PRDM7: variants seen among roughly 807,000 people sequenced by gnomAD.
PRDM7 encodes histone-lysine N-methyltransferase PRDM7.
A neutral mutation model predicts 64.3 loss-of-function variants in PRDM7; 52 were observed. The observed-to-expected ratio is 0.81, with a 90% CI of 0.65 to 1.02. The LOEUF (loss-of-function observed/expected upper bound fraction) is 1.02. PRDM7 is among the 50% of genes least tolerant of loss of function. The probability of loss-of-function intolerance (pLI) is 0.00; values close to 1 mark genes in which losing one functional copy is unlikely to be tolerated. For synonymous variants in PRDM7, 192 were observed against 210.1 expected, an observed-to-expected ratio of 0.91 and a Z score of 0.74; for missense variants, 574 against 597.1, an observed-to-expected ratio of 0.96 and a Z score of 0.40.
In PRDM7 at chr16:90,074,908, C is replaced by T. The variant is rs754017293; in HGVS notation, c.301+8G>A. The T allele has an allele frequency of 6.7e-5, 108 of 1,613,446 alleles. No homozygotes were observed. Among genetic ancestry groups the T allele is most frequent in the Non-Finnish European group, 9.1e-5 (107 of 1,179,602 alleles). On this transcript the variant is annotated splice_region_variant and intron_variant, in intron 4 of 10. Transcript: ENST00000449207. ...AAAAAAAAAAATCCTCCTTCCCTTC[C>T]CTCTTACCTTGCTGCCTAGGTGTCC... is the stretch of plus-strand genomic sequence containing the variant.
Position 90,059,551 on chromosome 16 carries a change from G to A in PRDM7, c.1233+790C>T, listed in dbSNP as rs1370524198. On this transcript the variant is annotated intron_variant, in intron 10 of 10. Coordinates refer to ENST00000449207, the MANE Select transcript of PRDM7 (RefSeq NM_001098173.2). ...GCCTCAGGACCATTGCACTAGCTGC[G>A]CCCTGTGCCTGGAATCCTTGGCCCA... 2.0e-5 allele frequency among the ~76,000 whole-genome samples: 3 copies of A among 152,146 alleles called. No homozygotes were observed. The East Asian group carries it at 5.8e-4, about 29-fold the overall frequency.
chr16:90,057,266 G>A lies in PRDM7; in HGVS notation c.*1023C>T, dbSNP rs1226436211. 6.5e-6 allele frequency: 1 copy of A among 154,244 alleles called. No homozygotes were observed. Among genetic ancestry groups the A allele is most frequent in the Non-Finnish European group, 1.4e-5 (1 of 69,472 alleles). 9.6% of individuals were successfully genotyped at this position (154,244 alleles called of 1,614,324 possible). On this transcript the variant is annotated 3_prime_UTR_variant, in exon 11 of 11. Coordinates refer to ENST00000449207, the MANE Select transcript of PRDM7 (RefSeq NM_001098173.2). The stretch of plus-strand genomic sequence containing the variant: ...AGGGGGAGTATGGCAGCAGAGGAGA[G>A]GGGTCCATTAGAAGAGGTCACACTT...
intron 4 of PRDM7, among the ~76,000 whole-genome samples, chr16:90,072,223 T>G (rs996451786): frequency 1.4e-5 from 2 of 138,058 alleles, no homozygotes; most frequent in African/African-American, 5.3e-5. Flanking sequence ...AGAGCGAGAC[T>G]CCATCTCAAA....
chr16:90,064,028 C>G (rs1306286508), intron 5 of PRDM7, among the ~76,000 whole-genome samples: 5 of 152,156 alleles, frequency 3.3e-5, no homozygotes, highest in Non-Finnish European at 5.9e-5. Flanking sequence ...CTTGGGAAGA[C>G]TAGCTGGAGA....
Position 90,058,078 on chromosome 16 carries a change from C to G in PRDM7, c.*211G>C. On this transcript the variant is annotated 3_prime_UTR_variant, in exon 11 of 11. Coordinates refer to ENST00000449207, the MANE Select transcript of PRDM7 (RefSeq NM_001098173.2). Reference sequence around the variant, plus strand: ...GTGTGTAATAACATCTGACTTATCACTGAAACCTTGCCCACACTCTCCATA... The same window carrying G: ...GTGTGTAATAACATCTGACTTATCAGTGAAACCTTGCCCACACTCTCCATA... 1 of 1,613,588 alleles carries G rather than the reference C, an allele frequency of 6.2e-7. No individual in the cohort carries two copies. Among genetic ancestry groups the G allele is most frequent in the South Asian group, 1.1e-5 (1 of 91,080 alleles).
Position 90,057,968 on chromosome 16 carries a change from T to C in PRDM7, c.*321A>G. The C allele has an allele frequency of 6.2e-7, 1 of 1,603,486 alleles. No individual in the cohort carries two copies. Among genetic ancestry groups the C allele is most frequent in the Non-Finnish European group, 8.5e-7 (1 of 1,173,056 alleles). On this transcript the variant is annotated 3_prime_UTR_variant, in exon 11 of 11. Coordinates refer to ENST00000449207, the MANE Select transcript of PRDM7 (RefSeq NM_001098173.2). ...AGGCTTCTCCCCTGTGTGTGTCCTC[T>C]GGTGACTGAGGAGGTCTGACTTCCG...
Position 90,066,927 on chromosome 16 carries a change from A to C in PRDM7, c.302-17T>G, listed in dbSNP as rs777840493. 4.4e-6 allele frequency: 7 copies of C among 1,582,348 alleles called. No homozygotes were observed. The East Asian group carries it at 1.6e-4, about 36-fold the overall frequency. ...GAGGTTTGACTAAGAGGTGATGAGA[A>C]ATCAGTGGTTTGGTTGGTAAATGTT... is the stretch of plus-strand genomic sequence containing the variant. On this transcript the variant is annotated splice_polypyrimidine_tract_variant and intron_variant, in intron 4 of 10. Transcript: ENST00000449207.
chr16:90,060,993 C>T (rs1416614853), intron 9 of PRDM7, among the ~76,000 whole-genome samples: 2 of 152,164 alleles, frequency 1.3e-5, no homozygotes, highest in Non-Finnish European at 2.9e-5. Context: ...CCTAGAGAAA[C>T]TCAGAAGTCT....
At position 90,075,284 on chromosome 16, in the gene PRDM7, A is replaced by G; in HGVS notation, c.193+67T>C. The G allele has an allele frequency of 6.2e-7, 1 of 1,611,576 alleles. No homozygotes were observed. The highest frequency in any genetic ancestry group is 8.5e-7 in the Non-Finnish European group (1 of 1,178,308). ...CAGATGCCGCCACCTGATAATTAAA[A>G]TAATATAGGGACCAAAGACCTGTTT... is the stretch of plus-strand genomic sequence containing the variant. On this transcript the variant is annotated intron_variant, in intron 3 of 10. Coordinates refer to ENST00000449207, the MANE Select transcript of PRDM7 (RefSeq NM_001098173.2). The surrounding 1 kb of genome is among the most constrained non-coding windows in gnomAD (Gnocchi z 4.3).
intron 7 of PRDM7, 88 bp downstream of exon 7, chr16:90,062,313 G>T: frequency 2.5e-6 from 4 of 1,613,530 alleles, no homozygotes; most frequent in Non-Finnish European, 3.4e-6. Context: ...ATTCATTCGA[G>T]TAAGGGAATG....
At position 90,076,013 on chromosome 16, in the gene PRDM7, G is replaced by A. The variant is rs1463116555; in HGVS notation, c.-85-18C>T. The A allele has an allele frequency of 7.5e-7, 1 of 1,335,162 alleles. No individual in the cohort carries two copies. Among genetic ancestry groups the A allele is most frequent in the Non-Finnish European group, 1.1e-6 (1 of 951,158 alleles). The allele number at this position is 1,335,162 out of a possible 1,614,324, so 82.7% of individuals were successfully genotyped here. ...AAAGGCTCCTGTGGAAGGAGAAGGT[G>A]CTGAGATGGGGCAACAGCCCTGAGC... On this transcript the variant is annotated intron_variant, in intron 1 of 10. Transcript: ENST00000449207.
intron 5 of PRDM7, among the ~76,000 whole-genome samples, chr16:90,064,634 G>C (rs2037841548): frequency 1.4e-5 from 2 of 143,472 alleles, no homozygotes; most frequent in African/African-American, 5.7e-5. Flanking sequence ...GGCTGGTCTA[G>C]AACTCCTCAC....
chr16:90,076,505 G>T (rs1441839393), intron 1 of PRDM7, among the ~76,000 whole-genome samples: 1 of 151,962 alleles, frequency 6.6e-6, no homozygotes, highest in Non-Finnish European at 1.5e-5. Context: ...CTCAGGTTGA[G>T]ATTTGGGGTC....
chr16:90,075,325 G>A lies in PRDM7; in HGVS notation c.193+26C>T. 9 of 1,614,138 alleles carry A rather than the reference G, an allele frequency of 5.6e-6. No individual in the cohort carries two copies. Among genetic ancestry groups the A allele is most frequent in the South Asian group, 1.1e-5 (1 of 91,070 alleles). ...AGACCTGTTTTATATCGCCCAGGCT[G>A]GTCTGTGCCCAGCACTTCCTGTTAC... On this transcript the variant is annotated intron_variant, in intron 3 of 10. Coordinates refer to ENST00000449207, the MANE Select transcript of PRDM7 (RefSeq NM_001098173.2). This position sits in a 1 kb window ranked among gnomAD's most constrained non-coding sequence, Gnocchi z 4.3.
chr16:90,057,704 C>G lies in PRDM7; in HGVS notation c.*585G>C. On this transcript the variant is annotated 3_prime_UTR_variant, in exon 11 of 11. Transcript: ENST00000449207. ...ATTTGTTTAATTAGTTATTTCCGAT[C>G]TCTTTACACTCTCGGGGAATGTAAG... 5 of 1,194,750 alleles carry G rather than the reference C, an allele frequency of 4.2e-6. No homozygotes were observed. Among genetic ancestry groups the G allele is most frequent in the Non-Finnish European group, 5.3e-6 (5 of 939,640 alleles). 74.0% of individuals were successfully genotyped at this position (1,194,750 alleles called of 1,614,324 possible).
rs1478036971 is a variant in PRDM7 at position 90,074,995 on chromosome 16, C to T, written c.222G>A (p.Met74Ile). 2 of 1,614,136 alleles carry T rather than the reference C, an allele frequency of 1.2e-6. No homozygotes were observed. Among genetic ancestry groups the T allele is most frequent in the South Asian group, 1.1e-5 (1 of 91,082 alleles). Residue 74 changes from methionine to isoleucine, a missense_variant, in exon 4 of 11, where the codon ATG becomes ATA. Transcript: ENST00000449207. ...GTTTGATGGCCTGCCTTCGGTGACA[C>T]ATGAAAGCTGGTCGAGTGGCTCTGA... is the stretch of plus-strand genomic sequence containing the variant. ...VGLRATRPAF[M>I]CHRRQAIKLQ...
At chr16:90,058,604 T>C in intron 10 of PRDM7, 70 bp from the exon 11 acceptor site, 1 of 1,529,468 alleles carries the variant, frequency 6.5e-7, no homozygotes, top group East Asian at 2.2e-5. Flanking sequence ...GGTATGAAGA[T>C]CAAATGAAGA....
chr16:90,064,295 G>A (rs1363824327), intron 5 of PRDM7, among the ~76,000 whole-genome samples: 2 of 152,200 alleles, frequency 1.3e-5, no homozygotes, highest in Non-Finnish European at 2.9e-5. Flanking sequence ...TTTGGCTTTT[G>A]AATTAGATTA....
rs1567881764 is a variant in PRDM7, at chr16:90,075,565, G to C, written c.70-91C>G. ...CCCTGCGTGTAGGGCATAGCCTGGG[G>C]CCTCTGGGAGTCTCTGTGAAACATA... On this transcript the variant is annotated intron_variant, in intron 2 of 10. Coordinates refer to ENST00000449207, the MANE Select transcript of PRDM7 (RefSeq NM_001098173.2). The surrounding 1 kb of genome is among the most constrained non-coding windows in gnomAD (Gnocchi z 4.3). The C allele has an allele frequency of 6.3e-7, 1 of 1,595,156 alleles. No individual in the cohort carries two copies. The highest frequency in any genetic ancestry group is 1.3e-5 in the African/African-American group (1 of 74,324).
Sources: gnomAD v4.1 joint callset for allele counts (sites outside exome capture counted in the v4.1 genomes callset) on GRCh38, gnomAD v4.1.1 for gene constraint, Gnocchi (gnomAD v3.1) non-coding constraint, MANE v1.5 for transcripts, NCBI Gene and HGNC (gene_info 2026-07-23, HGNC 2026-07-21) for gene names.